The following MPP7 variants were observed in gnomAD, a reference collection of about 807,000 sequenced individuals.
The protein encoded by MPP7 is MAGUK p55 subfamily member 7.
MPP7 carries 60 observed loss-of-function variants against 76.5 expected under a neutral mutation model. The ratio of observed to expected loss-of-function variants is 0.78; its 90% CI spans 0.64 to 0.97. MPP7 has a LOEUF of 0.97. MPP7 is among the 50% of genes least tolerant of loss of function. MPP7 has a pLI of 0.00. For missense variants in MPP7, 641 were observed against 694.0 expected (o/e 0.92, Z 0.86); for synonymous variants, 237 against 244.5 (o/e 0.97, Z 0.29).
chr10:28,120,142 G>T, intron 10 of MPP7, 52 bp downstream of exon 10: 1 of 1,546,780 alleles, frequency 6.5e-7, no homozygotes, highest in Non-Finnish European at 8.8e-7. Flanking sequence ...ATATTTTGCA[G>T]AGAACAAAAG....
chr10:28,276,887 T>C (rs74232275), intron 1 of MPP7, among the ~76,000 whole-genome samples: 1,581 of 152,148 alleles, frequency 0.01, 30 homozygotes, highest in East Asian at 0.071. Context: ...TTGACACATA[T>C]TCTCTGATTT....
At chr10:28,131,455 G>A (rs1835188859) in intron 6 of MPP7, 105 bp downstream of exon 6, 2 of 1,011,392 alleles carry the variant, frequency 2.0e-6, no homozygotes, top group African/African-American at 1.7e-5. Context: ...TTCTTTTAAA[G>A]TTTAAGAACA....
intron 5 of MPP7, among the ~76,000 whole-genome samples, chr10:28,140,521 A>T (rs761843549): frequency 6.9e-6 from 1 of 143,936 alleles, no homozygotes; most frequent in Non-Finnish European, 1.5e-5. Flanking sequence ...AAAAAAAAAG[A>T]AAAAAAAATA....
chr10:28,278,880 T>C (rs1281537289), intron 1 of MPP7, among the ~76,000 whole-genome samples: 3 of 151,094 alleles, frequency 2.0e-5, no homozygotes, highest in Non-Finnish European at 4.4e-5. Flanking sequence ...ATTTATTGCG[T>C]TCTCTTTGCC....
intron 3 of MPP7, among the ~76,000 whole-genome samples, chr10:28,168,824 A>C (rs1836579568): frequency 6.6e-6 from 1 of 152,148 alleles, no homozygotes; most frequent in African/African-American, 2.4e-5. Flanking sequence ...AGCCTCTTTT[A>C]TCTCATCATC....
Position 28,294,083 on chromosome 10 carries a change from G to A in MPP7, c.-132+8778C>T, listed in dbSNP as rs535285015. On this transcript the variant is annotated intron_variant, in intron 1 of 16. Coordinates refer to ENST00000683449, the MANE Select transcript of MPP7 (RefSeq NM_001318170.2). ...AGCACTTTGGGAGGCCGAGGCGGGCGGATCATGAGATCAGGAGATCCAGAC... is the reference window on the plus strand; with the variant it reads ...AGCACTTTGGGAGGCCGAGGCGGGCAGATCATGAGATCAGGAGATCCAGAC... Among the ~76,000 whole-genome samples, 264 of 152,288 alleles carry A rather than the reference G, an allele frequency of 1.7e-3. 1 individual carries two copies. Among genetic ancestry groups the A allele is most frequent in the African/African-American group, 5.6e-3 (234 of 41,554 alleles).
At chr10:28,127,116 A>C (rs984795258) in intron 6 of MPP7, among the ~76,000 whole-genome samples, 1 of 152,214 alleles carries the variant, frequency 6.6e-6, no homozygotes, top group Non-Finnish European at 1.5e-5. Context: ...GAATTAGTTA[A>C]GTGGAACCAA....
At chr10:28,195,524 T>G (rs1837552188) in intron 3 of MPP7, among the ~76,000 whole-genome samples, 1 of 152,196 alleles carries the variant, frequency 6.6e-6, no homozygotes, top group Non-Finnish European at 1.5e-5. Flanking sequence ...GAACGAAGTG[T>G]GATATAGCCA....
intron 3 of MPP7, among the ~76,000 whole-genome samples, chr10:28,201,808 C>G (rs1046254877): frequency 1.3e-5 from 2 of 152,080 alleles, no homozygotes; most frequent in African/African-American, 4.8e-5. Flanking sequence ...AAAATAGATT[C>G]CTTCTAATTT....
At chr10:28,322,159 G>A (rs1834374786) in intron 2 of MPP7, among the ~76,000 whole-genome samples, 1 of 152,016 alleles carries the variant, frequency 6.6e-6, no homozygotes. Flanking sequence ...TCCAGGACTT[G>A]CAATCAACTT....
intron 15 of MPP7, among the ~76,000 whole-genome samples, chr10:28,058,126 A>T (rs1259414348): frequency 6.6e-6 from 1 of 152,250 alleles, no homozygotes; most frequent in African/African-American, 2.4e-5. Context: ...TAAAAATTAT[A>T]GACACTGTTA....
At chr10:28,086,144 G>A (rs1380334402) in intron 12 of MPP7, among the ~76,000 whole-genome samples, 1 of 152,102 alleles carries the variant, frequency 6.6e-6, no homozygotes, top group African/African-American at 2.4e-5. Context: ...TGCGGGGTGG[G>A]GGCAAGGGGA....
chr10:28,192,116 A>G (rs1837431737), intron 3 of MPP7, among the ~76,000 whole-genome samples: 1 of 152,116 alleles, frequency 6.6e-6, no homozygotes, highest in African/African-American at 2.4e-5. Context: ...CCCATTCACA[A>G]TAAAAACTCT....
Position 28,120,267 on chromosome 10 carries a change from A to G in MPP7, c.814T>C (p.Trp272Arg). 1 of 1,614,040 alleles carries G rather than the reference A, an allele frequency of 6.2e-7. No individual in the cohort carries two copies. The highest frequency in any genetic ancestry group is 8.5e-7 in the Non-Finnish European group (1 of 1,179,966). The change falls in exon 10 of 17, where the codon TGG becomes CGG. Residue 272 changes from tryptophan to arginine, a missense_variant. Physicochemically the swap from Trp to Arg is moderately radical, Grantham distance 101. Transcript: ENST00000683449. ...TCAGCTTCGTGTTTCGCTTGCCACC[A>G]AGTTGCATCATCTTGGCTCATAATC... ...LQIMSQDDAT[W>R]WQAKHEADAN... is the part of the protein sequence containing the mutation.
At chr10:28,124,466 A>ATTTTTTTT (rs5784042) in intron 7 of MPP7, among the ~76,000 whole-genome samples, 16 of 80,092 alleles carry the variant, frequency 2.0e-4, no homozygotes, top group African/African-American at 7.1e-4. Flanking sequence ...AAGAAACAAG[A>ATTTTTTTT]TTTTTTTTTT....
rs78389871 is a variant in MPP7, at chr10:28,235,706, C to T, written c.37+2862G>A. ...AAATCTTAGAGAATATCTTCATAAT[C>T]TTGGGATATGAAAGGCCTTCTTAAG... On this transcript the variant is annotated intron_variant, in intron 2 of 16. Coordinates refer to ENST00000683449, the MANE Select transcript of MPP7 (RefSeq NM_001318170.2). Among the ~76,000 whole-genome samples, 671 of 152,200 alleles carry T rather than the reference C, an allele frequency of 4.4e-3. 9 individuals are homozygous for T. Among genetic ancestry groups the T allele is most frequent in the African/African-American group, 0.015 (631 of 41,526 alleles).
intron 12 of MPP7, among the ~76,000 whole-genome samples, chr10:28,071,817 G>A (rs978553776): frequency 1.3e-5 from 2 of 152,098 alleles, no homozygotes; most frequent in Non-Finnish European, 2.9e-5. Context: ...GAAAACAAAA[G>A]CCCAGTGGTA....
At chr10:28,089,644 G>A in intron 12 of MPP7, 27 bp downstream of exon 12, 1 of 1,600,756 alleles carries the variant, frequency 6.2e-7, no homozygotes, top group Non-Finnish European at 8.5e-7. Context: ...CATTTCCTCA[G>A]AATTACTCAC....
chr10:28,302,641 C>A (rs1841188638), intron 1 of MPP7, among the ~76,000 whole-genome samples: 1 of 151,974 alleles, frequency 6.6e-6, no homozygotes, highest in Non-Finnish European at 1.5e-5. Context: ...GGGTCCCGCC[C>A]GAGGCGGCCC....
Sources: allele counts gnomAD v4.1 joint callset (sites outside exome capture counted in the v4.1 genomes callset), GRCh38; gene constraint gnomAD v4.1.1; transcripts MANE v1.5; gene names NCBI Gene and HGNC (gene_info 2026-07-23, HGNC 2026-07-21).